Variants in MBNL3 observed in about 807,000 individuals in gnomAD.
MBNL3 encodes the protein muscleblind like splicing regulator 3.
MBNL3 carries 6 observed loss-of-function variants against 24.5 expected under a neutral mutation model. The observed-to-expected ratio is 0.25, with a 90% CI of 0.13 to 0.48. MBNL3 has a LOEUF of 0.48. Ranked by LOEUF, MBNL3 falls within the 20% of genes least tolerant of loss-of-function variation. MBNL3 has a pLI of 0.99. For missense variants in MBNL3, 230 were observed against 293.5 expected, an observed-to-expected ratio of 0.78 and a Z score of 1.58; for synonymous variants, 100 against 101.7, an observed-to-expected ratio of 0.98 and a Z score of 0.10.
At chrX:132,461,539 T>C (rs969844832) in intron 1 of MBNL3, among the ~76,000 whole-genome samples, 8 of 111,593 alleles carry the variant, frequency 7.2e-5, no homozygotes, top group Non-Finnish European at 1.3e-4. Context: ...CTTCTCTCAA[T>C]GAGCTTATAA....
At chrX:132,462,954 A>C (rs1267332404) in intron 1 of MBNL3, among the ~76,000 whole-genome samples, 1 of 111,776 alleles carries the variant, frequency 8.9e-6, no homozygotes, top group African/African-American at 3.3e-5. Context: ...AGCCACGGGA[A>C]GTTGTCCATA....
chrX:132,461,600 G>A (rs1028922384), intron 1 of MBNL3, among the ~76,000 whole-genome samples: 4 of 111,179 alleles, frequency 3.6e-5, no homozygotes, highest in African/African-American at 1.3e-4. Flanking sequence ...GGCAGCATAT[G>A]ATTAAGTTCT....
intron 1 of MBNL3, among the ~76,000 whole-genome samples, chrX:132,479,972 C>T (rs964863221): frequency 9.0e-6 from 1 of 111,526 alleles, no homozygotes; most frequent in African/African-American, 3.3e-5. Flanking sequence ...CTTTTATAAA[C>T]ATTTAACTTT....
At chrX:132,467,332 T>G (rs775601878) in intron 1 of MBNL3, among the ~76,000 whole-genome samples, 1 of 112,030 alleles carries the variant, frequency 8.9e-6, no homozygotes, top group Admixed American at 9.5e-5. Flanking sequence ...TAGTAAAAGC[T>G]CTGGAGAATT....
intron 1 of MBNL3, among the ~76,000 whole-genome samples, chrX:132,455,951 G>GT (rs1946350565): frequency 8.9e-6 from 1 of 111,799 alleles, no homozygotes; most frequent in African/African-American, 3.2e-5. Flanking sequence ...TGCACACATG[G>GT]TTTTGTTTCA....
intron 3 of MBNL3, among the ~76,000 whole-genome samples, chrX:132,404,987 C>A (rs771515435): frequency 3.0e-4 from 34 of 111,635 alleles, no homozygotes; most frequent in African/African-American, 8.8e-4. Flanking sequence ...AAATGTGAGG[C>A]CTGAAGAACT....
intron 1 of MBNL3, among the ~76,000 whole-genome samples, chrX:132,467,322 T>A (rs191605381): frequency 1.8e-5 from 2 of 112,135 alleles, no homozygotes; most frequent in African/African-American, 6.5e-5. Flanking sequence ...TTATTTATCT[T>A]AGTAAAAGCT....
At chrX:132,380,934 A>G (rs1008232629) in intron 8 of MBNL3, among the ~76,000 whole-genome samples, 1 of 111,763 alleles carries the variant, frequency 8.9e-6, no homozygotes, top group South Asian at 3.7e-4. Flanking sequence ...TCAAAATTCA[A>G]TACAATGTCA....
In MBNL3 at chrX:132,388,564, A is replaced by G. The variant is rs35168074; in HGVS notation, c.772-1753T>C. Among the ~76,000 whole-genome samples, 760 of 111,973 alleles carry G rather than the reference A, an allele frequency of 6.8e-3. 4 individuals carry two copies. Among genetic ancestry groups the G allele is most frequent in the Non-Finnish European group, 9.3e-3 (496 of 53,150 alleles). ...ACAAATTGGGGTGAAACCTAGATGA[A>G]CATTCAACAGGTAGACGCTGGTAAG... On this transcript the variant is annotated intron_variant, in intron 5 of 8. Coordinates refer to ENST00000370853, the MANE Select transcript of MBNL3 (RefSeq NM_001386889.1).
chrX:132,476,928 C>A (rs1056707198), intron 1 of MBNL3, among the ~76,000 whole-genome samples: 1 of 111,650 alleles, frequency 9.0e-6, no homozygotes, highest in Non-Finnish European at 1.9e-5. Flanking sequence ...TCAAACCCCC[C>A]ACACCTTATT....
chrX:132,402,799 C>T (rs913233276), intron 3 of MBNL3, among the ~76,000 whole-genome samples: 1 of 112,064 alleles, frequency 8.9e-6, no homozygotes, highest in African/African-American at 3.2e-5. Context: ...TCACACTCAA[C>T]AGAATCTGTT....
intron 1 of MBNL3, among the ~76,000 whole-genome samples, chrX:132,469,172 C>T (rs755109685): frequency 6.2e-5 from 7 of 112,229 alleles, no homozygotes; most frequent in South Asian, 3.7e-4. Context: ...CAGAACTATA[C>T]GCAGGGTTTC....
chrX:132,370,456 G>T lies in MBNL3; in HGVS notation c.*9210C>A, dbSNP rs1033276618. Reference sequence around the variant, plus strand: ...GGCCTTCCTGATGTGGTGAATGACTGCATTGCTTATAGGAATTCCATCTCT... The same window carrying T: ...GGCCTTCCTGATGTGGTGAATGACTTCATTGCTTATAGGAATTCCATCTCT... On this transcript the variant is annotated 3_prime_UTR_variant, in exon 9 of 9. Transcript: ENST00000370853. The T allele has an allele frequency of 1.8e-5, 2 of 111,745 alleles. No individual in the cohort carries two copies. Among genetic ancestry groups the T allele is most frequent in the African/African-American group, 6.5e-5 (2 of 30,730 alleles). The allele number at this position is 111,745 out of a possible 1,213,427, so 9.2% of individuals were successfully genotyped here.
chrX:132,451,819 C>T (rs1176270400), intron 1 of MBNL3, among the ~76,000 whole-genome samples: 1 of 111,931 alleles, frequency 8.9e-6, no homozygotes, highest in Non-Finnish European at 1.9e-5. Context: ...GGGGAATCTC[C>T]TGGTCTGTGG....
intron 1 of MBNL3, among the ~76,000 whole-genome samples, chrX:132,443,968 C>A (rs1945529374): frequency 1.3e-5 from 1 of 79,725 alleles, no homozygotes; most frequent in Non-Finnish European, 2.3e-5. Context: ...CAAACTCAAG[C>A]AGCCTGACTC....
At chrX:132,411,151 C>G in intron 2 of MBNL3, 1 of 753,882 alleles carries the variant, frequency 1.3e-6, no homozygotes, top group African/African-American at 2.3e-5. Context: ...AGAGGGCCAG[C>G]CAAGTACCCC....
At chrX:132,393,068 A>G (rs1410007427) in intron 3 of MBNL3, among the ~76,000 whole-genome samples, 1 of 111,389 alleles carries the variant, frequency 9.0e-6, no homozygotes, top group African/African-American at 3.3e-5. Context: ...TACTGTGTGT[A>G]ATAATCACAT....
At chrX:132,426,126 A>G (rs1026728531) in intron 2 of MBNL3, among the ~76,000 whole-genome samples, 1 of 112,001 alleles carries the variant, frequency 8.9e-6, no homozygotes, top group East Asian at 2.8e-4. Flanking sequence ...CCCTCTTTCA[A>G]AGTGTTTCAA....
chrX:132,391,931 G>A (rs1366361359), intron 4 of MBNL3, among the ~76,000 whole-genome samples: 1 of 111,648 alleles, frequency 9.0e-6, no homozygotes, highest in Non-Finnish European at 1.9e-5. Flanking sequence ...TCTATGGCTG[G>A]GTACACTTAA....
Sources: gnomAD v4.1 joint callset for allele counts (sites outside exome capture counted in the v4.1 genomes callset) on GRCh38, gnomAD v4.1.1 for gene constraint, MANE v1.5 for transcripts, NCBI Gene and HGNC (gene_info 2026-07-23, HGNC 2026-07-21) for gene names.